The following CTNND2 variants were observed in gnomAD, a reference collection of about 807,000 sequenced individuals.
CTNND2 encodes the protein catenin delta-2.
A neutral mutation model predicts 144.4 loss-of-function variants in CTNND2; 22 were observed. The ratio of observed to expected loss-of-function variants is 0.15; its 90% CI spans 0.11 to 0.22. The LOEUF (loss-of-function observed/expected upper bound fraction) is 0.22. Ranked by LOEUF, CTNND2 falls within the 10% of genes least tolerant of loss-of-function variation. The probability of loss-of-function intolerance (pLI) is 1.00; values close to 1 mark genes in which losing one functional copy is unlikely to be tolerated. For synonymous variants in CTNND2, 751 were observed against 695.6 expected (o/e 1.08, Z -1.25); for missense variants, 1,353 against 1,618.8 (o/e 0.84, Z 2.82).
chr5:11,609,203 A>AT (rs1780202385), intron 2 of CTNND2, among the ~76,000 whole-genome samples: 1 of 151,880 alleles, frequency 6.6e-6, no homozygotes, highest in African/African-American at 2.4e-5. Flanking sequence ...TTACTTGCAT[A>AT]TTTTTTCATT....
intron 10 of CTNND2, among the ~76,000 whole-genome samples, chr5:11,227,659 T>A (rs1429165985): frequency 6.6e-6 from 1 of 152,114 alleles, no homozygotes; most frequent in East Asian, 1.9e-4. Context: ...TTTTAACAGA[T>A]GAAATGTTCT....
chr5:11,476,596 G>T (rs376389611), intron 3 of CTNND2, among the ~76,000 whole-genome samples: 19 of 152,094 alleles, frequency 1.2e-4, no homozygotes, highest in African/African-American at 4.6e-4. Flanking sequence ...CTTCCTACAA[G>T]TTTCTCTTGC....
At chr5:11,178,952 CCCCA>C (rs1268530807) in intron 11 of CTNND2, among the ~76,000 whole-genome samples, 1 of 152,138 alleles carries the variant, frequency 6.6e-6, no homozygotes, top group Admixed American at 6.5e-5. Context: ...TTTAAAATTA[CCCCA>C]CTGAGATGAC....
chr5:11,811,108 T>G (rs1287272559), intron 1 of CTNND2, among the ~76,000 whole-genome samples: 1 of 152,192 alleles, frequency 6.6e-6, no homozygotes, highest in Admixed American at 6.5e-5. Context: ...TTGAGTTTCC[T>G]AGGAACCAGT....
At chr5:11,853,064 C>T (rs996422892) in intron 1 of CTNND2, among the ~76,000 whole-genome samples, 7 of 152,134 alleles carry the variant, frequency 4.6e-5, no homozygotes, top group African/African-American at 1.4e-4. Context: ...TTGGAAAACA[C>T]ATAAATCTCT....
intron 17 of CTNND2, among the ~76,000 whole-genome samples, chr5:11,019,188 C>G (rs879810362): frequency 1.3e-5 from 2 of 152,158 alleles, no homozygotes; most frequent in Non-Finnish European, 2.9e-5. Flanking sequence ...GGAACCAAAA[C>G]TACAATATCT....
intron 9 of CTNND2, among the ~76,000 whole-genome samples, chr5:11,299,853 C>G (rs1346793416): frequency 6.6e-6 from 1 of 152,138 alleles, no homozygotes; most frequent in East Asian, 1.9e-4. Flanking sequence ...CCTTAAATAA[C>G]CAGGGGCTGG....
rs1006587961 is a variant in CTNND2, at chr5:11,323,002, C to T, written c.1628+23370G>A. On this transcript the variant is annotated intron_variant, in intron 9 of 21. Transcript: ENST00000304623. ...ATTATGTCTGTGACATGGCTTATTT[C>T]ATGAATATGTGAGGCACAAGTTTAC... 9.9e-5 allele frequency among the ~76,000 whole-genome samples: 15 copies of T among 152,190 alleles called. No homozygotes were observed. The East Asian group carries it at 2.5e-3, about 25-fold the overall frequency.
chr5:11,858,489 C>T (rs1182944988), intron 1 of CTNND2, among the ~76,000 whole-genome samples: 1 of 152,118 alleles, frequency 6.6e-6, no homozygotes, highest in East Asian at 1.9e-4. Flanking sequence ...TGTCCTATTC[C>T]TTGTACTTTT....
intron 3 of CTNND2, among the ~76,000 whole-genome samples, chr5:11,472,615 T>G (rs1767337285): frequency 6.6e-6 from 1 of 152,204 alleles, no homozygotes; most frequent in Non-Finnish European, 1.5e-5. Context: ...TAGGAAATTT[T>G]GGTTGGAATA....
In CTNND2 at chr5:11,150,641, T is replaced by C. The variant is rs1446671474; in HGVS notation, c.2159+8935A>G. The stretch of plus-strand genomic sequence containing the variant: ...TCTTTTTTTTTTTTTTTTTTTTTTT[T>C]TTTGACGGGGAGTTTTGCTCTTGTC... On this transcript the variant is annotated intron_variant, in intron 12 of 21. Transcript: ENST00000304623. Among the ~76,000 whole-genome samples the C allele has an allele frequency of 2.0e-4, 30 of 147,648 alleles. No homozygotes were observed. In the South Asian group the frequency reaches 5.6e-3, roughly 27 times the overall value.
intron 9 of CTNND2, among the ~76,000 whole-genome samples, chr5:11,252,251 A>G (rs1223904366): frequency 4.6e-5 from 7 of 152,216 alleles, no homozygotes; most frequent in African/African-American, 1.2e-4. Context: ...TGAGAAATCA[A>G]TGAGAGACTT....
At chr5:10,978,825 T>C (rs1182565878) in intron 21 of CTNND2, among the ~76,000 whole-genome samples, 1 of 152,266 alleles carries the variant, frequency 6.6e-6, no homozygotes, top group East Asian at 1.9e-4. Context: ...TTCACACTCA[T>C]GGCAAGGATG....
intron 10 of CTNND2, among the ~76,000 whole-genome samples, chr5:11,233,656 T>C (rs897519850): frequency 1.3e-5 from 2 of 152,066 alleles, no homozygotes. Flanking sequence ...AGTTTGATCT[T>C]GGAGTGAGGA....
intron 1 of CTNND2, among the ~76,000 whole-genome samples, chr5:11,774,041 A>C (rs1790102814): frequency 2.0e-5 from 3 of 152,168 alleles, no homozygotes; most frequent in Admixed American, 2.0e-4. Context: ...ATTAATCTGT[A>C]GAATTGAAAC....
intron 2 of CTNND2, among the ~76,000 whole-genome samples, chr5:11,655,100 G>C (rs1262341603): frequency 1.3e-5 from 2 of 151,988 alleles, no homozygotes. Context: ...AAATCATTTA[G>C]TTTTTCAACA....
intron 16 of CTNND2, among the ~76,000 whole-genome samples, chr5:11,025,233 A>G (rs185354404): frequency 9.2e-5 from 14 of 152,362 alleles, no homozygotes; most frequent in African/African-American, 2.9e-4. Flanking sequence ...CACGGAGAAG[A>G]AAACCTCGGG....
intron 8 of CTNND2, among the ~76,000 whole-genome samples, chr5:11,348,932 T>A (rs1755069311): frequency 6.6e-6 from 1 of 152,128 alleles, no homozygotes; most frequent in African/African-American, 2.4e-5. Flanking sequence ...AGTTTATGAA[T>A]GTTATTGGGT....
chr5:11,655,182 T>C (rs1436814160), intron 2 of CTNND2, among the ~76,000 whole-genome samples: 2 of 152,034 alleles, frequency 1.3e-5, no homozygotes, highest in African/African-American at 4.8e-5. Context: ...TTTAAATAGA[T>C]TTAGCACTAA....
Sources: allele counts gnomAD v4.1 joint callset (sites outside exome capture counted in the v4.1 genomes callset), GRCh38; gene constraint gnomAD v4.1.1; transcripts MANE v1.5; gene names NCBI Gene and HGNC (gene_info 2026-07-23, HGNC 2026-07-21).